SMARCC1: variants seen among roughly 807,000 people sequenced by gnomAD.
SMARCC1 encodes the protein SWI/SNF complex subunit SMARCC1.
A neutral mutation model predicts 147.4 loss-of-function variants in SMARCC1; 43 were observed. That is an observed-to-expected ratio of 0.29 (90% CI 0.23 to 0.38). SMARCC1 has a LOEUF of 0.38. SMARCC1 is among the 10% of genes least tolerant of loss of function. The pLI is 1.00. For synonymous variants in SMARCC1, 495 were observed against 484.4 expected, an observed-to-expected ratio of 1.02 and a Z score of -0.29; for missense variants, 1,119 against 1,381.1, an observed-to-expected ratio of 0.81 and a Z score of 3.01.
chr3:47,777,005 C>T (rs2034982176), intron 1 of SMARCC1, among the ~76,000 whole-genome samples: 1 of 151,802 alleles, frequency 6.6e-6, no homozygotes, highest in Non-Finnish European at 1.5e-5. Flanking sequence ...AACTCCCAAC[C>T]TCAGATGATC....
chr3:47,741,618 A>G (rs1466497094), intron 3 of SMARCC1, among the ~76,000 whole-genome samples: 1 of 151,650 alleles, frequency 6.6e-6, no homozygotes, highest in Non-Finnish European at 1.5e-5. Flanking sequence ...TATCTTTACG[A>G]TACACTTCCA....
chr3:47,593,532 G>A (rs2032220888), intron 26 of SMARCC1, among the ~76,000 whole-genome samples: 1 of 152,186 alleles, frequency 6.6e-6, no homozygotes, highest in Non-Finnish European at 1.5e-5. Context: ...GAGAATCAAT[G>A]TAGTTTTTCT....
chr3:47,681,345 T>C (rs112734920), intron 14 of SMARCC1, among the ~76,000 whole-genome samples: 63 of 152,306 alleles, frequency 4.1e-4, no homozygotes, highest in African/African-American at 1.4e-3. Context: ...GCTGGGGAGA[T>C]ATATTACTTT....
At chr3:47,660,217 C>T (rs866451112) in intron 21 of SMARCC1, among the ~76,000 whole-genome samples, 5 of 151,808 alleles carry the variant, frequency 3.3e-5, no homozygotes, top group East Asian at 1.9e-4. Flanking sequence ...GAGGCCGAGG[C>T]GGGCAGATCA....
At chr3:47,755,101 C>T (rs2034679739) in intron 2 of SMARCC1, among the ~76,000 whole-genome samples, 1 of 151,950 alleles carries the variant, frequency 6.6e-6, no homozygotes, top group Non-Finnish European at 1.5e-5. Flanking sequence ...ATCCCAGCTA[C>T]TCGCGAGGCC....
chr3:47,699,727 C>T (rs920931581), intron 11 of SMARCC1, among the ~76,000 whole-genome samples: 3 of 151,948 alleles, frequency 2.0e-5, no homozygotes, highest in African/African-American at 7.3e-5. Context: ...TGTTTAGTGC[C>T]AGATAAATCA....
At chr3:47,643,763 G>A (rs1240527442) in intron 21 of SMARCC1, among the ~76,000 whole-genome samples, 1 of 152,174 alleles carries the variant, frequency 6.6e-6, no homozygotes, top group Non-Finnish European at 1.5e-5. Flanking sequence ...GGAAGGAACA[G>A]AATGATTCAA....
chr3:47,665,243 T>A (rs1174798813), intron 19 of SMARCC1, among the ~76,000 whole-genome samples: 1 of 152,162 alleles, frequency 6.6e-6, no homozygotes. Flanking sequence ...ACACATTAAA[T>A]CCCTTGAAAA....
At chr3:47,760,182 G>A (rs1266376254) in intron 2 of SMARCC1, among the ~76,000 whole-genome samples, 3 of 151,902 alleles carry the variant, frequency 2.0e-5, no homozygotes, top group Non-Finnish European at 4.4e-5. Context: ...GGGAATGGTG[G>A]TGCACACCTG....
At chr3:47,710,907 T>A (rs2034076661) in intron 8 of SMARCC1, 99 bp from the exon 9 acceptor site, 1 of 865,420 alleles carries the variant, frequency 1.2e-6, no homozygotes, top group Non-Finnish European at 1.7e-6. Context: ...TTTCAAAGCC[T>A]CAAATGCATA....
intron 26 of SMARCC1, among the ~76,000 whole-genome samples, chr3:47,609,692 G>A (rs1360722904): frequency 6.6e-6 from 1 of 152,214 alleles, no homozygotes. Flanking sequence ...AAAAGTAAAA[G>A]TGGCAGAAAG....
At chr3:47,686,814 G>A (rs2033729740) in intron 13 of SMARCC1, among the ~76,000 whole-genome samples, 1 of 151,984 alleles carries the variant, frequency 6.6e-6, no homozygotes, top group African/African-American at 2.4e-5. Flanking sequence ...GTCAGACTTT[G>A]TCTCTACTAA....
chr3:47,636,825 T>C (rs913150556), intron 22 of SMARCC1, among the ~76,000 whole-genome samples: 1 of 145,666 alleles, frequency 6.9e-6, no homozygotes, highest in African/African-American at 2.5e-5. Flanking sequence ...TGTGTGTGTG[T>C]GTGTGTGTGT....
rs534279046 is a variant in SMARCC1 at position 47,780,158 on chromosome 3, G to T, written c.195+1445C>A. ...AGAAATGATCATTTCTGGGTCTTTG[G>T]TTTTTTTTTGTTTTTTTTTTTTTTT... On this transcript the variant is annotated intron_variant, in intron 1 of 27. Coordinates refer to ENST00000254480, the MANE Select transcript of SMARCC1 (RefSeq NM_003074.4). Among the ~76,000 whole-genome samples the T allele has an allele frequency of 2.1e-3, 109 of 51,522 alleles. No individual in the cohort carries two copies. The South Asian group carries it at 0.025, about 12-fold the overall frequency. The allele number at this position is 51,522 out of a possible 152,430, so 33.8% of individuals were successfully genotyped here.
intron 3 of SMARCC1, 71 bp from the exon 4 acceptor site, chr3:47,738,181 T>C: frequency 5.1e-6 from 5 of 978,630 alleles, no homozygotes; most frequent in Non-Finnish European, 7.7e-6. Flanking sequence ...GGTTTTAGAA[T>C]TCGATGCAAA....
At chr3:47,723,291 A>G (rs1411581670) in intron 6 of SMARCC1, among the ~76,000 whole-genome samples, 2 of 151,832 alleles carry the variant, frequency 1.3e-5, no homozygotes, top group African/African-American at 2.4e-5. Context: ...TTAGCATATC[A>G]TACAGTTAAT....
At chr3:47,732,604 A>G (rs2034387391) in intron 5 of SMARCC1, among the ~76,000 whole-genome samples, 1 of 152,116 alleles carries the variant, frequency 6.6e-6, no homozygotes, top group Non-Finnish European at 1.5e-5. Context: ...TAGGGTTATT[A>G]ATTGGCTTAA....
chr3:47,634,250 T>C (rs1003531452), intron 24 of SMARCC1, among the ~76,000 whole-genome samples: 8 of 152,162 alleles, frequency 5.3e-5, no homozygotes, highest in Admixed American at 1.3e-4. Flanking sequence ...CCGGAGTAAC[T>C]CTCTGGGTTG....
At position 47,641,917 on chromosome 3, in the gene SMARCC1, G is replaced by A. The variant is rs574555344; in HGVS notation, c.2321-3137C>T. 3.3e-5 allele frequency among the ~76,000 whole-genome samples: 5 copies of A among 152,200 alleles called. No individual in the cohort carries two copies. The South Asian group carries it at 1.0e-3, about 32-fold the overall frequency. The stretch of plus-strand genomic sequence containing the variant: ...CTCTTGAGTAGCTGGGATTACAGGC[G>A]TGTACCACTGTGTCTGGCTAATTTT... On this transcript the variant is annotated intron_variant, in intron 21 of 27. Transcript: ENST00000254480.
Sources: allele counts gnomAD v4.1 joint callset (sites outside exome capture counted in the v4.1 genomes callset), GRCh38; gene constraint gnomAD v4.1.1; transcripts MANE v1.5; gene names NCBI Gene and HGNC (gene_info 2026-07-23, HGNC 2026-07-21).